ITPKB: variants seen among roughly 807,000 people sequenced by gnomAD.
ITPKB encodes the protein inositol-trisphosphate 3-kinase B.
A neutral mutation model predicts 69.4 loss-of-function variants in ITPKB; 13 were observed. The observed-to-expected ratio is 0.19, with a 90% CI of 0.12 to 0.30. ITPKB has a LOEUF of 0.30. ITPKB is among the 10% of genes least tolerant of loss of function. The pLI is 1.00. For synonymous variants in ITPKB, 584 were observed against 513.7 expected (o/e 1.14, Z -1.85); for missense variants, 1,240 against 1,250.5 (o/e 0.99, Z 0.13).
At chr1:226,729,721 GGT>G (rs887596965) in intron 2 of ITPKB, among the ~76,000 whole-genome samples, 1 of 151,814 alleles carries the variant, frequency 6.6e-6, no homozygotes, top group African/African-American at 2.4e-5. Context: ...TGGGATTACA[GGT>G]GTGTGCCACC....
intron 2 of ITPKB, among the ~76,000 whole-genome samples, chr1:226,710,688 G>C (rs1239798126): frequency 2.6e-5 from 4 of 152,230 alleles, no homozygotes; most frequent in Non-Finnish European, 5.9e-5. Context: ...GATCTGGAGT[G>C]AGCTGGATTC....
In ITPKB at chr1:226,737,275, C is replaced by A. The variant is rs958194817; in HGVS notation, c.184G>T (p.Glu62Ter). The part of the protein sequence containing the change: ...RGASFLFPPA[E>*]SLSPEEPRSP... ...CGGGGCTCCTCGGGGGACAGCGACT[C>A]GGCTGGGGGGAAGAGGAAAGAGGCG... Residue 62 changes from glutamate (E) to a stop codon, truncating the protein, a stop_gained, in exon 2 of 8, where the codon GAG becomes TAG. Transcript: ENST00000429204. LOFTEE classifies it high-confidence loss of function. 1 of 1,554,650 alleles carries A rather than the reference C, an allele frequency of 6.4e-7. No individual in the cohort carries two copies. The highest frequency in any genetic ancestry group is 1.4e-5 in the African/African-American group (1 of 73,372).
intron 2 of ITPKB, among the ~76,000 whole-genome samples, chr1:226,716,557 G>A (rs895340765): frequency 5.9e-5 from 9 of 152,140 alleles, no homozygotes; most frequent in Non-Finnish European, 1.0e-4. Context: ...TTATCCTGAT[G>A]CTTTCCCTAC....
intron 2 of ITPKB, among the ~76,000 whole-genome samples, chr1:226,730,299 G>C (rs1370597958): frequency 6.6e-6 from 1 of 152,128 alleles, no homozygotes; most frequent in African/African-American, 2.4e-5. Flanking sequence ...ACACAGGAAG[G>C]GCAACCATCT....
rs116826768 is a variant in ITPKB, at chr1:226,639,614, C to T, written c.2496G>A (p.Thr832=). 2.4e-4 allele frequency: 380 copies of T among 1,614,074 alleles called. 1 individual carries two copies. The highest frequency in any genetic ancestry group is 3.0e-4 in the Non-Finnish European group (356 of 1,179,908). The part of the protein sequence containing the change: ...TVNRDFKKTK[T]REQVTEAFRE... ...TGAAGGCCTCGGTGACCTGCTCCCT[C>T]GTTTTGGTCTTCTTGAAGTCCCGGT... The change falls in exon 6 of 8, where the codon ACG becomes ACA. Residue 832 remains threonine (T), a synonymous_variant. Transcript: ENST00000429204.
intron 2 of ITPKB, chr1:226,707,443 C>T (rs1656830241): frequency 1.1e-5 from 8 of 705,008 alleles, no homozygotes; most frequent in Non-Finnish European, 1.4e-5. Context: ...GTGATCCGCC[C>T]GCCTTGGCCT....
intron 2 of ITPKB, among the ~76,000 whole-genome samples, chr1:226,723,587 A>G: frequency 6.6e-6 from 1 of 152,016 alleles, no homozygotes; most frequent in Non-Finnish European, 1.5e-5. Context: ...GTGTGTGTAT[A>G]GAGAGATATA....
chr1:226,709,693 G>A (rs888507095), intron 2 of ITPKB, among the ~76,000 whole-genome samples: 2 of 152,218 alleles, frequency 1.3e-5, no homozygotes, highest in African/African-American at 4.8e-5. Flanking sequence ...CCAACGGTGA[G>A]AAGCGGCAGT....
At chr1:226,734,274 G>A (rs979792371) in intron 2 of ITPKB, among the ~76,000 whole-genome samples, 14 of 152,188 alleles carry the variant, frequency 9.2e-5, no homozygotes, top group Non-Finnish European at 1.6e-4. Context: ...CAGATCATCA[G>A]CAAAAAGCAG....
intron 2 of ITPKB, among the ~76,000 whole-genome samples, chr1:226,683,272 G>C (rs1656128306): frequency 1.3e-5 from 2 of 152,332 alleles, no homozygotes; most frequent in South Asian, 4.1e-4. Flanking sequence ...CTGCCTACAT[G>C]ATTCTTTCTC....
chr1:226,658,969 G>T (rs1451149199), intron 2 of ITPKB, among the ~76,000 whole-genome samples: 2 of 152,188 alleles, frequency 1.3e-5, no homozygotes, highest in Non-Finnish European at 2.9e-5. Context: ...CACCCAATCA[G>T]GCTGCGAGGG....
At chr1:226,649,488 A>G (rs1669136563) in intron 2 of ITPKB, among the ~76,000 whole-genome samples, 3 of 148,284 alleles carry the variant, frequency 2.0e-5, no homozygotes, top group South Asian at 2.1e-4. Flanking sequence ...ATATGTGTGC[A>G]TCAGTGTGTG....
chr1:226,727,453 A>G (rs1035527393), intron 2 of ITPKB, among the ~76,000 whole-genome samples: 1 of 152,244 alleles, frequency 6.6e-6, no homozygotes, highest in Non-Finnish European at 1.5e-5. Flanking sequence ...GAGATTGCAG[A>G]TTGAGCTGGG....
rs747316948 is a variant in ITPKB at position 226,737,297 on chromosome 1, G to A, written c.162C>T (p.Ala54=). 3 of 1,567,616 alleles carry A rather than the reference G, an allele frequency of 1.9e-6. No homozygotes were observed. The highest frequency in any genetic ancestry group is 2.4e-5 in the East Asian group (1 of 42,526). The part of the protein sequence containing the change: ...PGSVFSPGRG[A]SFLFPPAESL... ...ACTCGGCTGGGGGGAAGAGGAAAGA[G>A]GCGCCTCTCCCGGGGCTGAAAACGC... Residue 54 remains alanine (A), a synonymous_variant, in exon 2 of 8, where the codon GCC becomes GCT. Coordinates refer to ENST00000429204, the MANE Select transcript of ITPKB (RefSeq NM_002221.4).
intron 2 of ITPKB, among the ~76,000 whole-genome samples, chr1:226,723,559 A>G (rs1447713542): frequency 1.3e-5 from 2 of 151,992 alleles, no homozygotes; most frequent in East Asian, 3.9e-4. Context: ...TGTTCTACAC[A>G]CACACGTGTG....
intron 2 of ITPKB, among the ~76,000 whole-genome samples, chr1:226,713,649 T>A (rs958463536): frequency 1.3e-5 from 2 of 152,258 alleles, no homozygotes; most frequent in African/African-American, 4.8e-5. Flanking sequence ...CAGTCGCTAC[T>A]GTTGGCATCT....
intron 2 of ITPKB, among the ~76,000 whole-genome samples, chr1:226,731,171 T>C (rs1053682854): frequency 1.3e-5 from 2 of 152,218 alleles, no homozygotes; most frequent in Non-Finnish European, 2.9e-5. Flanking sequence ...AGGCCTCAGT[T>C]TCTAGACTTC....
intron 2 of ITPKB, among the ~76,000 whole-genome samples, chr1:226,715,862 G>A (rs1657081986): frequency 6.6e-6 from 1 of 152,182 alleles, no homozygotes; most frequent in African/African-American, 2.4e-5. Flanking sequence ...CCAGACTGGA[G>A]TGCAGTGACA....
intron 2 of ITPKB, among the ~76,000 whole-genome samples, chr1:226,661,392 C>G (rs940195814): frequency 1.3e-5 from 2 of 152,276 alleles, no homozygotes; most frequent in African/African-American, 4.8e-5. Flanking sequence ...TCCCACTTCA[C>G]AGATGGGAAC....
Sources: allele counts gnomAD v4.1 joint callset (sites outside exome capture counted in the v4.1 genomes callset), GRCh38; gene constraint gnomAD v4.1.1; transcripts MANE v1.5; gene names NCBI Gene and HGNC (gene_info 2026-07-23, HGNC 2026-07-21).